The following DMD variants were observed in gnomAD, a reference collection of about 807,000 sequenced individuals.
DMD encodes mutant dystrophin.
DMD carries 63 observed loss-of-function variants against 330.1 expected under a neutral mutation model. The observed-to-expected ratio is 0.19, with a 90% CI of 0.16 to 0.24. The LOEUF (loss-of-function observed/expected upper bound fraction) is 0.24, where lower values mean the gene tolerates loss of function less well. Among genes scored for constraint, DMD ranks in the 10% least tolerant of loss-of-function variants. DMD has a pLI of 1.00. For synonymous variants in DMD, 1,223 were observed against 959.8 expected, an observed-to-expected ratio of 1.27 and a Z score of -5.07; for missense variants, 3,344 against 2,684.1, an observed-to-expected ratio of 1.25 and a Z score of -5.43.
intron 43 of DMD, among the ~76,000 whole-genome samples, chrX:32,279,673 T>TG (rs77151097): frequency 0.14 from 13,285 of 91,948 alleles, 1,010 homozygotes; most frequent in Admixed American, 0.26. Context: ...TGAAGGGTAG[T>TG]GGGGGGGTTG....
rs751585189 is a variant in DMD at position 32,398,558 on chromosome X, C to T, written c.4234-8377G>A. Among the ~76,000 whole-genome samples, 10 of 110,715 alleles carry T rather than the reference C, an allele frequency of 9.0e-5. 1 individual carries two copies. Among genetic ancestry groups the T allele is most frequent in the South Asian group, 3.8e-4 (1 of 2,626 alleles). Reference sequence around the variant, plus strand: ...GAAGTAAAGCATATAAATTTTTCTGCGTAATCTTGACCACAGAACCGTTTA... The same window carrying T: ...GAAGTAAAGCATATAAATTTTTCTGTGTAATCTTGACCACAGAACCGTTTA... On this transcript the variant is annotated intron_variant, in intron 30 of 78. Transcript: ENST00000357033.
At chrX:31,891,595 T>C (rs1459539218) in intron 47 of DMD, among the ~76,000 whole-genome samples, 1 of 112,137 alleles carries the variant, frequency 8.9e-6, no homozygotes, top group Non-Finnish European at 1.9e-5. Flanking sequence ...GAAATTCAAA[T>C]TTGTGTCCCC....
chrX:31,775,868 A>AT (rs5901994), intron 50 of DMD, among the ~76,000 whole-genome samples: 14,619 of 110,904 alleles, frequency 0.13, 719 homozygotes, highest in Admixed American at 0.19. Context: ...GAAGGAACTA[A>AT]TTTTGATCAA....
At chrX:32,354,290 G>C (rs2097791379) in intron 37 of DMD, among the ~76,000 whole-genome samples, 1 of 111,391 alleles carries the variant, frequency 9.0e-6, no homozygotes, top group African/African-American at 3.2e-5. Context: ...AAATCCATCA[G>C]TCTCCTTTTT....
At chrX:32,891,257 C>G (rs1384205368) in intron 2 of DMD, among the ~76,000 whole-genome samples, 1 of 111,699 alleles carries the variant, frequency 9.0e-6, no homozygotes, top group African/African-American at 3.3e-5. Flanking sequence ...GTCTGTGTAT[C>G]TACACATAAT....
At chrX:31,728,281 T>C (rs1246186690) in intron 52 of DMD, among the ~76,000 whole-genome samples, 1 of 112,118 alleles carries the variant, frequency 8.9e-6, no homozygotes, top group Non-Finnish European at 1.9e-5. Context: ...CGCCTCGGCC[T>C]CCCCAAGTGC....
chrX:31,356,304 A>G (rs922054032), intron 60 of DMD, among the ~76,000 whole-genome samples: 37 of 110,217 alleles, frequency 3.4e-4, no homozygotes, highest in Middle Eastern at 4.7e-3. Flanking sequence ...TTTTCCTTCC[A>G]TTTTATATTT....
intron 4 of DMD, among the ~76,000 whole-genome samples, chrX:32,840,951 T>A (rs2080107046): frequency 8.9e-6 from 1 of 111,926 alleles, no homozygotes; most frequent in Non-Finnish European, 1.9e-5. Flanking sequence ...AAATGTGCAT[T>A]TTCACATTTA....
At chrX:32,815,514 T>TA (rs761584148) in intron 6 of DMD, among the ~76,000 whole-genome samples, 3 of 62,963 alleles carry the variant, frequency 4.8e-5, no homozygotes, top group African/African-American at 1.9e-4. Context: ...TATATATATA[T>TA]ATATATACAC....
chrX:32,759,592 A>T (rs2148364161), intron 7 of DMD, among the ~76,000 whole-genome samples: 1 of 111,591 alleles, frequency 9.0e-6, no homozygotes, highest in African/African-American at 3.2e-5. Flanking sequence ...CAATAAGGCT[A>T]TCATATCCAA....
At chrX:32,426,299 C>T (rs1456849613) in intron 29 of DMD, among the ~76,000 whole-genome samples, 1 of 111,726 alleles carries the variant, frequency 9.0e-6, no homozygotes, top group Non-Finnish European at 1.9e-5. Flanking sequence ...AAAAACTCTA[C>T]TCCATTAAAA....
chrX:31,871,704 GT>G (rs767462131), intron 48 of DMD, among the ~76,000 whole-genome samples: 189 of 96,454 alleles, frequency 2.0e-3, no homozygotes, highest in East Asian at 8.2e-3. Flanking sequence ...TAGTAAAGGT[GT>G]TTTTTTTTTT....
In DMD at chrX:33,268,639, A is replaced by C. The variant is rs761292310; in HGVS notation, c.7+70620T>G. ...ACAGAATGGCTATTATTTAAAAGTC[A>C]AGAAAGGCTGAGTGCAGTGGCTTGC... On this transcript the variant is annotated intron_variant, in intron 1 of 17. Transcript: ENST00000288447. Among the ~76,000 whole-genome samples the C allele has an allele frequency of 1.1e-4, 12 of 112,175 alleles. No individual in the cohort carries two copies. In the East Asian group the frequency reaches 3.4e-3, roughly 32 times the overall value.
chrX:31,221,038 T>C (rs1200991933), intron 64 of DMD, among the ~76,000 whole-genome samples: 1 of 107,415 alleles, frequency 9.3e-6, no homozygotes, highest in Non-Finnish European at 1.9e-5. Context: ...ATCAAATGAA[T>C]CACTGAGGCC....
At chrX:32,858,969 C>G (rs148378759) in intron 2 of DMD, among the ~76,000 whole-genome samples, 1 of 111,250 alleles carries the variant, frequency 9.0e-6, no homozygotes, top group African/African-American at 3.3e-5. Flanking sequence ...CAAGTGACAG[C>G]CTTTCTGAGG....
intron 29 of DMD, among the ~76,000 whole-genome samples, chrX:32,417,755 G>A (rs1344481158): frequency 1.8e-5 from 2 of 109,971 alleles, no homozygotes; most frequent in Non-Finnish European, 3.8e-5. Flanking sequence ...AAACAAAAGA[G>A]CTTCTGCAAG....
At chrX:32,223,352 T>G (rs1389910361) in intron 43 of DMD, among the ~76,000 whole-genome samples, 1 of 111,799 alleles carries the variant, frequency 8.9e-6, no homozygotes, top group East Asian at 2.8e-4. Flanking sequence ...GGAGCCCTCA[T>G]GGCCTAATCA....
chrX:32,536,287 A>C (rs202006744), intron 17 of DMD, among the ~76,000 whole-genome samples: 115 of 106,032 alleles, frequency 1.1e-3, no homozygotes, highest in African/African-American at 4.1e-3. Context: ...AAAAAAAAAA[A>C]ACACACAAAT....
intron 30 of DMD, among the ~76,000 whole-genome samples, chrX:32,407,568 T>C (rs1421837844): frequency 9.0e-6 from 1 of 110,990 alleles, no homozygotes; most frequent in Admixed American, 9.6e-5. Flanking sequence ...ACTGTGGCGA[T>C]TCCTCAGGGA....
Sources: gnomAD v4.1 joint callset for allele counts (sites outside exome capture counted in the v4.1 genomes callset) on GRCh38, gnomAD v4.1.1 for gene constraint, MANE v1.5 for transcripts, NCBI Gene and HGNC (gene_info 2026-07-23, HGNC 2026-07-21) for gene names.